Variants in ST3GAL1 observed in about 807,000 individuals in gnomAD.
The protein encoded by ST3GAL1 is ST3 beta-galactoside alpha-2,3-sialyltransferase 1.
ST3GAL1 carries 16 observed loss-of-function variants against 34.1 expected under a neutral mutation model. That is an observed-to-expected ratio of 0.47 (90% confidence interval 0.32 to 0.71). The LOEUF (loss-of-function observed/expected upper bound fraction) is 0.71. ST3GAL1 is among the 30% of genes least tolerant of loss of function. The probability of loss-of-function intolerance (pLI) is 0.04; values close to 1 mark genes in which losing one functional copy is unlikely to be tolerated. For synonymous variants in ST3GAL1, 191 were observed against 184.7 expected (o/e 1.03, Z -0.28); for missense variants, 353 against 447.4 (o/e 0.79, Z 1.90).
At chr8:133,562,806 CTT>C (rs1819274149) in intron 1 of ST3GAL1, among the ~76,000 whole-genome samples, 6 of 70,256 alleles carry the variant, frequency 8.5e-5, no homozygotes, top group Non-Finnish European at 1.4e-4. Context: ...TCCTTCCTTC[CTT>C]CCTTCCTTCC....
chr8:133,483,041 G>T (rs1377105693), intron 3 of ST3GAL1, among the ~76,000 whole-genome samples: 1 of 152,182 alleles, frequency 6.6e-6, no homozygotes, highest in East Asian at 1.9e-4. Context: ...TACAAAATAG[G>T]ATTAAAAATG....
At chr8:133,551,820 C>G (rs991752102) in intron 1 of ST3GAL1, among the ~76,000 whole-genome samples, 21 of 152,190 alleles carry the variant, frequency 1.4e-4, no homozygotes, top group African/African-American at 5.1e-4. Context: ...CAGGTACTTG[C>G]TAAACTAAGC....
chr8:133,507,085 G>A (rs1362456839), intron 2 of ST3GAL1, among the ~76,000 whole-genome samples: 2 of 152,168 alleles, frequency 1.3e-5, no homozygotes, highest in African/African-American at 4.8e-5. Context: ...AGGAAGGAAA[G>A]ACAGAAATCC....
intron 1 of ST3GAL1, among the ~76,000 whole-genome samples, chr8:133,551,950 G>A (rs527607897): frequency 6.6e-6 from 1 of 152,282 alleles, no homozygotes; most frequent in East Asian, 1.9e-4. Context: ...TTTGCTCAAG[G>A]TCATATGACT....
chr8:133,480,607 G>C (rs1816344418), intron 3 of ST3GAL1, among the ~76,000 whole-genome samples: 1 of 152,182 alleles, frequency 6.6e-6, no homozygotes, highest in South Asian at 2.1e-4. Context: ...GCCACCAGGA[G>C]AGGTGGGTAA....
chr8:133,563,992 T>C (rs1819318165), intron 1 of ST3GAL1, among the ~76,000 whole-genome samples: 1 of 152,226 alleles, frequency 6.6e-6, no homozygotes, highest in Non-Finnish European at 1.5e-5. Flanking sequence ...CTGTCTATTC[T>C]GCACGTCACT....
At chr8:133,537,702 G>A (rs2131056898) in intron 2 of ST3GAL1, among the ~76,000 whole-genome samples, 1 of 152,278 alleles carries the variant, frequency 6.6e-6, no homozygotes, top group Admixed American at 6.5e-5. Flanking sequence ...TCCCCTGGGG[G>A]CCGGGATTGG....
intron 5 of ST3GAL1, among the ~76,000 whole-genome samples, chr8:133,473,609 A>G (rs1816048647): frequency 6.6e-6 from 1 of 152,218 alleles, no homozygotes; most frequent in South Asian, 2.1e-4. Context: ...ATGTGTGTGA[A>G]GCCACCTCTG....
chr8:133,473,168 C>T (rs893202543), intron 5 of ST3GAL1, among the ~76,000 whole-genome samples: 7 of 152,112 alleles, frequency 4.6e-5, no homozygotes, highest in African/African-American at 1.7e-4. Context: ...TTTTCCCTTA[C>T]GCCTTTTTAA....
rs566809424 is a variant in ST3GAL1, at chr8:133,557,217, C to T, written c.-581-11291G>A. 1.1e-4 allele frequency among the ~76,000 whole-genome samples: 17 copies of T among 152,264 alleles called. No homozygotes were observed. In the South Asian group the frequency reaches 3.5e-3, roughly 32 times the overall value. ...GGCAGATGCCAGAATTCACAAAAGA[C>T]AATACAAGCTTGCTCACCGGGAGGT... On this transcript the variant is annotated intron_variant, in intron 1 of 9. Coordinates refer to ENST00000522652, the MANE Select transcript of ST3GAL1 (RefSeq NM_173344.3).
intron 6 of ST3GAL1, 148 bp from the exon 7 acceptor site, chr8:133,465,105 A>G (rs1815686495): frequency 2.8e-6 from 2 of 709,330 alleles, no homozygotes; most frequent in African/African-American, 3.6e-5. Flanking sequence ...TGTAAAATAG[A>G]GACAATGAAG....
chr8:133,472,134 C>T (rs989487921), intron 5 of ST3GAL1, among the ~76,000 whole-genome samples: 1 of 151,912 alleles, frequency 6.6e-6, no homozygotes, highest in African/African-American at 2.4e-5. Flanking sequence ...TCTTCACTTG[C>T]AGGGCACGGG....
chr8:133,456,883 T>G lies in ST3GAL1; in HGVS notation c.*2881A>C, dbSNP rs962543961. ...AGCCCGCCTCCAGACAATTTCAACA[T>G]AGCGCCGGTAACACCCTAGTTTTGC... On this transcript the variant is annotated 3_prime_UTR_variant, in exon 10 of 10. Coordinates refer to ENST00000522652, the MANE Select transcript of ST3GAL1 (RefSeq NM_173344.3). 1 of 152,284 alleles carries G rather than the reference T, an allele frequency of 6.6e-6. No homozygotes were observed. The highest frequency in any genetic ancestry group is 2.1e-4 in the South Asian group (1 of 4,836). The allele number at this position is 152,284 out of a possible 1,614,324, so 9.4% of individuals were successfully genotyped here.
chr8:133,537,436 G>T (rs1303506915), intron 2 of ST3GAL1, among the ~76,000 whole-genome samples: 1 of 152,194 alleles, frequency 6.6e-6, no homozygotes, highest in African/African-American at 2.4e-5. Context: ...TAGGGCAGGG[G>T]AAGGAAGGCA....
chr8:133,556,775 C>T lies in ST3GAL1; in HGVS notation c.-581-10849G>A, dbSNP rs1192257793. 6.6e-6 allele frequency among the ~76,000 whole-genome samples: 1 copy of T among 152,164 alleles called. No individual in the cohort carries two copies. Among genetic ancestry groups the T allele is most frequent in the Non-Finnish European group, 1.5e-5 (1 of 68,026 alleles). ...GCAAATGTGACCCAGAATGCCACCA[C>T]TAACAGTCCTATTTATAGCCCTTTG... On this transcript the variant is annotated intron_variant, in intron 1 of 9. Transcript: ENST00000522652. The surrounding 1 kb of genome is among the most constrained non-coding windows in gnomAD (Gnocchi z 8.9).
rs552243776 is a variant in ST3GAL1 at position 133,482,693 on chromosome 8, C to T, written c.-373-6093G>A. The stretch of plus-strand genomic sequence containing the variant: ...CCTCCCATGTCCTGGCCTTTGGGAT[C>T]CTGGCCGGCTGGCTTCATGTATGGG... On this transcript the variant is annotated intron_variant, in intron 3 of 9. Transcript: ENST00000522652. Among the ~76,000 whole-genome samples, 44 of 152,338 alleles carry T rather than the reference C, an allele frequency of 2.9e-4. No individual in the cohort carries two copies. In the South Asian group the frequency reaches 7.2e-3, roughly 25 times the overall value.
Position 133,461,854 on chromosome 8 carries a change from G to C in ST3GAL1, c.849+21C>G. 6.2e-7 allele frequency: 1 copy of C among 1,613,832 alleles called. No homozygotes were observed. Among genetic ancestry groups the C allele is most frequent in the Non-Finnish European group, 8.5e-7 (1 of 1,179,838 alleles). ...CGGTGAGCTTCGAGGCAGCCCTGTG[G>C]GCAGGGGGAGGGTGGCATACCTCAT... On this transcript the variant is annotated intron_variant, in intron 9 of 9. Coordinates refer to ENST00000522652, the MANE Select transcript of ST3GAL1 (RefSeq NM_173344.3). This position sits in a 1 kb window ranked among gnomAD's most constrained non-coding sequence, Gnocchi z 4.7.
At chr8:133,502,552 G>A (rs754448262) in intron 2 of ST3GAL1, among the ~76,000 whole-genome samples, 8 of 152,144 alleles carry the variant, frequency 5.3e-5, no homozygotes, top group Non-Finnish European at 1.2e-4. Context: ...AACCAACCCT[G>A]ATGACACCTT....
intron 2 of ST3GAL1, among the ~76,000 whole-genome samples, chr8:133,521,329 T>G (rs1437606722): frequency 1.3e-5 from 2 of 152,056 alleles, no homozygotes; most frequent in Admixed American, 1.3e-4. Flanking sequence ...GACGGAATCT[T>G]GCTCTATTGC....
Sources: allele counts gnomAD v4.1 joint callset (sites outside exome capture counted in the v4.1 genomes callset), GRCh38; gene constraint gnomAD v4.1.1; non-coding constraint Gnocchi (gnomAD v3.1); transcripts MANE v1.5; gene names NCBI Gene and HGNC (gene_info 2026-07-23, HGNC 2026-07-21).